Variants in ZPLD1 observed in about 807,000 individuals in gnomAD.
The protein encoded by ZPLD1 is zona pellucida-like domain-containing protein 1.
In ZPLD1, 34 loss-of-function variants were observed where a neutral mutation model predicts 47.2. The ratio of observed to expected loss-of-function variants is 0.72; its 90% CI spans 0.55 to 0.96. ZPLD1 has a LOEUF of 0.96. Among genes scored for constraint, ZPLD1 ranks in the 40% least tolerant of loss-of-function variants. The pLI is 0.00. For missense variants in ZPLD1, 512 were observed against 505.8 expected, an observed-to-expected ratio of 1.01 and a Z score of -0.12; for synonymous variants, 176 against 186.2, an observed-to-expected ratio of 0.95 and a Z score of 0.45.
chr3:102,457,856 A>G lies in ZPLD1; in HGVS notation c.582+3A>G. On this transcript the variant is annotated splice_donor_region_variant and intron_variant, in intron 6 of 11. Transcript: ENST00000466937. ...CTTTGAACCTGCTCCTTTATAACGT[A>G]AGTTGATGGGTGAAGGATGTTATTT... 6.2e-7 allele frequency: 1 copy of G among 1,613,740 alleles called. No homozygotes were observed. Among genetic ancestry groups the G allele is most frequent in the Non-Finnish European group, 8.5e-7 (1 of 1,179,768 alleles).
chr3:102,459,008 T>A (rs917303805), intron 6 of ZPLD1, among the ~76,000 whole-genome samples: 1 of 140,438 alleles, frequency 7.1e-6, no homozygotes, highest in African/African-American at 2.7e-5. Flanking sequence ...GAGAATGGCG[T>A]GAACCCGGGA....
chr3:102,447,388 A>G (rs962807593), intron 3 of ZPLD1, among the ~76,000 whole-genome samples: 2 of 152,034 alleles, frequency 1.3e-5, no homozygotes, highest in African/African-American at 4.8e-5. Flanking sequence ...CTTTTACACT[A>G]TACACTGACC....
At chr3:102,443,757 G>A (rs1707215204) in intron 3 of ZPLD1, among the ~76,000 whole-genome samples, 1 of 152,182 alleles carries the variant, frequency 6.6e-6, no homozygotes, top group South Asian at 2.1e-4. Flanking sequence ...ATTAGGCTTT[G>A]CTTAACCATG....
intron 6 of ZPLD1, among the ~76,000 whole-genome samples, chr3:102,391,240 A>C (rs907699276): frequency 6.6e-6 from 1 of 152,212 alleles, no homozygotes; most frequent in African/African-American, 2.4e-5. Flanking sequence ...CTAAGGCTAA[A>C]CTATAAAAGT....
rs908201379 is a variant in ZPLD1, at chr3:102,386,821, A to C, written c.-213+1504A>C. On this transcript the variant is annotated intron_variant, in intron 6 of 17. Transcript: ENST00000491959. ...AATATATATGCCAATTTAGAAAGTC[A>C]AGTCATGAACAATTATTTATAATAA... 6.6e-5 allele frequency among the ~76,000 whole-genome samples: 10 copies of C among 152,170 alleles called. 1 individual carries two copies. Among genetic ancestry groups the C allele is most frequent in the Non-Finnish European group, 1.2e-4 (8 of 68,018 alleles).
chr3:102,389,810 C>A (rs1030147013), intron 6 of ZPLD1, among the ~76,000 whole-genome samples: 3 of 152,098 alleles, frequency 2.0e-5, no homozygotes, highest in Admixed American at 6.5e-5. Context: ...TTTCTCTTTT[C>A]AGGCCATTAG....
At chr3:102,430,415 T>C (rs1181771999), upstream of ZPLD1, among the ~76,000 whole-genome samples, 1 of 152,246 alleles carries the variant, frequency 6.6e-6, no homozygotes, top group African/African-American at 2.4e-5. Context: ...TTAATGTGCT[T>C]GATTATTAAT....
rs1441331198 is a variant in ZPLD1 at position 102,435,115 on chromosome 3, A to G, written c.-162A>G. On this transcript the variant is annotated 5_prime_UTR_variant, in exon 1 of 12. The change abolishes an upstream ATG in the 5' untranslated region. Transcript: ENST00000466937. ...GCATCTCCAAGCTTGCTATGGCAAG[A>G]TGATGCTCAGGTTTTCCATGTGCAG... 3 of 1,614,166 alleles carry G rather than the reference A, an allele frequency of 1.9e-6. No homozygotes were observed. The highest frequency in any genetic ancestry group is 2.5e-6 in the Non-Finnish European group (3 of 1,179,994).
intron 7 of ZPLD1, among the ~76,000 whole-genome samples, chr3:102,405,792 C>A (rs1471153180): frequency 6.6e-6 from 1 of 151,792 alleles, no homozygotes; most frequent in Non-Finnish European, 1.5e-5. Context: ...TAAAAGAGGC[C>A]TGGATTGGGG....
intron 6 of ZPLD1, among the ~76,000 whole-genome samples, chr3:102,459,518 T>C (rs1366563966): frequency 1.3e-5 from 2 of 152,204 alleles, no homozygotes; most frequent in Non-Finnish European, 2.9e-5. Context: ...GAGATGGTAC[T>C]GTAGTTCTGT....
At chr3:102,443,412 G>A (rs559967154) in intron 3 of ZPLD1, among the ~76,000 whole-genome samples, 5 of 152,182 alleles carry the variant, frequency 3.3e-5, no homozygotes, top group Non-Finnish European at 7.4e-5. Context: ...ATATACATTT[G>A]TTAAATATTG....
intron 7 of ZPLD1, among the ~76,000 whole-genome samples, chr3:102,411,905 T>A (rs2107299546): frequency 6.6e-6 from 1 of 151,894 alleles, no homozygotes; most frequent in East Asian, 2.0e-4. Context: ...TTTATATATC[T>A]ATCTAGGGAA....
intron 3 of ZPLD1, among the ~76,000 whole-genome samples, chr3:102,452,149 G>C (rs986277066): frequency 2.1e-5 from 3 of 142,304 alleles, no homozygotes; most frequent in African/African-American, 7.6e-5. Context: ...GTGTGTGTGT[G>C]TGTGTGTGCT....
At chr3:102,412,121 G>C (rs1277279095) in intron 7 of ZPLD1, among the ~76,000 whole-genome samples, 3 of 151,636 alleles carry the variant, frequency 2.0e-5, no homozygotes, top group South Asian at 2.1e-4. Context: ...GTTCACATTG[G>C]ATGAGGCCTA....
chr3:102,392,110 A>G (rs1706502432), intron 6 of ZPLD1: 1 of 152,192 alleles, frequency 6.6e-6, no homozygotes, highest in African/African-American at 2.4e-5. Context: ...CCCTTTACAG[A>G]AAAAGTTTGC....
intron 8 of ZPLD1, among the ~76,000 whole-genome samples, chr3:102,420,510 C>T (rs1192091541): frequency 1.3e-5 from 2 of 151,912 alleles, no homozygotes; most frequent in Non-Finnish European, 2.9e-5. Flanking sequence ...AATTTGAACA[C>T]AGATAAGCTG....
intron 6 of ZPLD1, among the ~76,000 whole-genome samples, chr3:102,459,528 T>C (rs1347765951): frequency 6.6e-6 from 1 of 152,154 alleles, no homozygotes; most frequent in Non-Finnish European, 1.5e-5. Flanking sequence ...TGTAGTTCTG[T>C]TGCTAACAAG....
chr3:102,392,435 T>G (rs1383396882), intron 7 of ZPLD1, among the ~76,000 whole-genome samples: 1 of 152,084 alleles, frequency 6.6e-6, no homozygotes, highest in Admixed American at 6.6e-5. Context: ...GTGGGAACCC[T>G]CTATAGAGTT....
chr3:102,407,863 C>T (rs905000959), intron 7 of ZPLD1, among the ~76,000 whole-genome samples: 10 of 151,708 alleles, frequency 6.6e-5, no homozygotes, highest in Admixed American at 4.6e-4. Context: ...TTTTTCCTAT[C>T]CTCCAGTATC....
Sources: allele counts gnomAD v4.1 joint callset (sites outside exome capture counted in the v4.1 genomes callset), GRCh38; gene constraint gnomAD v4.1.1; transcripts MANE v1.5; gene names NCBI Gene and HGNC (gene_info 2026-07-23, HGNC 2026-07-21).